LYPLA1: variants seen among roughly 807,000 people sequenced by gnomAD.
LYPLA1 encodes acyl-protein thioesterase 1.
A neutral mutation model predicts 34.0 loss-of-function variants in LYPLA1; 17 were observed. That is an observed-to-expected ratio of 0.50 (90% confidence interval 0.34 to 0.75). The LOEUF (loss-of-function observed/expected upper bound fraction) is 0.75, where lower values mean the gene tolerates loss of function less well. Ranked by LOEUF, LYPLA1 falls within the 30% of genes least tolerant of loss-of-function variation. The probability of loss-of-function intolerance (pLI) is 0.01; values close to 1 mark genes in which losing one functional copy is unlikely to be tolerated. For missense variants in LYPLA1, 203 were observed against 288.8 expected (o/e 0.70, Z 2.15); for synonymous variants, 98 against 100.8 (o/e 0.97, Z 0.17).
intron 5 of LYPLA1, among the ~76,000 whole-genome samples, chr8:54,059,370 T>A (rs1316673756): frequency 8.2e-6 from 1 of 121,564 alleles, no homozygotes; most frequent in Non-Finnish European, 1.5e-5. Context: ...AGTGGCGCAA[T>A]CTCGGCTCAC....
At chr8:54,052,939 C>T in intron 6 of LYPLA1, 183 bp from the exon 7 acceptor site, 1 of 527,090 alleles carries the variant, frequency 1.9e-6, no homozygotes, top group East Asian at 2.8e-5. Flanking sequence ...CGGTTCTCTA[C>T]ACCAGAGAAC....
At chr8:54,099,471 A>G (rs1351809205) in intron 2 of LYPLA1, among the ~76,000 whole-genome samples, 3 of 152,162 alleles carry the variant, frequency 2.0e-5, no homozygotes, top group Admixed American at 6.5e-5. Context: ...TGAGGTCAGG[A>G]GTTCGAGACC....
At chr8:54,056,849 G>A (rs1806240695) in intron 5 of LYPLA1, among the ~76,000 whole-genome samples, 1 of 152,056 alleles carries the variant, frequency 6.6e-6, no homozygotes, top group African/African-American at 2.4e-5. Context: ...GGAGACGGAG[G>A]TTGCAGTGAG....
intron 6 of LYPLA1, chr8:54,052,976 T>G (rs1046805598): frequency 2.1e-5 from 10 of 469,416 alleles, no homozygotes; most frequent in African/African-American, 1.9e-4. Flanking sequence ...CGACGAGACA[T>G]AGTTTGTACC....
intron 2 of LYPLA1, among the ~76,000 whole-genome samples, chr8:54,093,094 T>G (rs763761849): frequency 6.6e-6 from 1 of 151,982 alleles, no homozygotes; most frequent in Admixed American, 6.6e-5. Flanking sequence ...AGAAGTAGGG[T>G]TGATATAAGT....
chr8:54,064,981 TG>T (rs1806943820), intron 3 of LYPLA1, among the ~76,000 whole-genome samples: 1 of 152,216 alleles, frequency 6.6e-6, no homozygotes, highest in African/African-American at 2.4e-5. Context: ...CCAATCTTAT[TG>T]ATCTTCTAAG....
chr8:54,100,168 A>G (rs1810012276), intron 2 of LYPLA1: 1 of 152,196 alleles, frequency 6.6e-6, no homozygotes, highest in Non-Finnish European at 1.5e-5. Flanking sequence ...GCTTGAGTAA[A>G]AGATAAATCA....
At chr8:54,072,066 C>G (rs888684714) in intron 2 of LYPLA1, among the ~76,000 whole-genome samples, 2 of 152,032 alleles carry the variant, frequency 1.3e-5, no homozygotes, top group African/African-American at 4.8e-5. Context: ...GAATAGACAG[C>G]ACAGAAGTAA....
chr8:54,084,124 G>GGAAA (rs1554547911), intron 2 of LYPLA1, among the ~76,000 whole-genome samples: 20 of 56,366 alleles, frequency 3.5e-4, no homozygotes, highest in African/African-American at 9.8e-4. Flanking sequence ...GGAGACCAAA[G>GGAAA]AAAAAAAAAA....
chr8:54,077,775 T>C (rs1006519542), intron 2 of LYPLA1, among the ~76,000 whole-genome samples: 32 of 152,286 alleles, frequency 2.1e-4, no homozygotes, highest in Middle Eastern at 3.4e-3. Flanking sequence ...TATCTGACGG[T>C]CTAGAACGGG....
At chr8:54,064,173 GGGA>G (rs1372059842) in intron 3 of LYPLA1, among the ~76,000 whole-genome samples, 1 of 152,226 alleles carries the variant, frequency 6.6e-6, no homozygotes, top group Non-Finnish European at 1.5e-5. Flanking sequence ...CCAGCACTTT[GGGA>G]GGCCGAGGCG....
At chr8:54,093,507 G>C (rs958934638) in intron 2 of LYPLA1, among the ~76,000 whole-genome samples, 1 of 152,196 alleles carries the variant, frequency 6.6e-6, no homozygotes, top group African/African-American at 2.4e-5. Flanking sequence ...CGGATCTTCC[G>C]TTAAAGAGAA....
chr8:54,098,617 G>C (rs550900276), intron 2 of LYPLA1, among the ~76,000 whole-genome samples: 1 of 152,306 alleles, frequency 6.6e-6, no homozygotes, highest in Non-Finnish European at 1.5e-5. Context: ...AGTGGCAGAG[G>C]TTGAAGGGAG....
Position 54,053,095 on chromosome 8 carries a change from C to CTT in LYPLA1, c.361-341_361-340dup, listed in dbSNP as rs374207905. On this transcript the variant is annotated intron_variant, in intron 6 of 8. Transcript: ENST00000316963. The stretch of plus-strand genomic sequence containing the variant: ...CCAATCTGCTCTTAAATTGGTATTA[C>CTT]TTTTTTTTTTTTTTTTGAGATGGAG... 1.4e-3 allele frequency: 219 copies of CTT among 158,780 alleles called. 1 individual carries two copies. The highest frequency in any genetic ancestry group is 3.1e-3 in the African/African-American group (117 of 38,274). 9.8% of individuals were successfully genotyped at this position (158,780 alleles called of 1,614,324 possible). A position where few individuals can be genotyped will look rare whatever the true frequency, so the allele number is the denominator to read the frequency against.
intron 2 of LYPLA1, chr8:54,100,229 ATC>A (rs1327110987): frequency 6.6e-6 from 1 of 152,228 alleles, no homozygotes; most frequent in Non-Finnish European, 1.5e-5. Flanking sequence ...CCCACCTCTA[ATC>A]TCTGTGCTTT....
chr8:54,070,360 G>C (rs1807372127), intron 2 of LYPLA1, among the ~76,000 whole-genome samples: 2 of 152,066 alleles, frequency 1.3e-5, no homozygotes, highest in African/African-American at 4.8e-5. Flanking sequence ...GTACACAAAT[G>C]TTCTTTTTTA....
rs145272972 is a variant in LYPLA1, at chr8:54,080,302, C to T, written c.102-14489G>A. On this transcript the variant is annotated intron_variant, in intron 2 of 8. Coordinates refer to ENST00000316963, the MANE Select transcript of LYPLA1 (RefSeq NM_006330.4). ...CTGAGGTGGGAGTTGTACTGAGCCA[C>T]GAGCGTACTATGCCACTGCACTCCA... Among the ~76,000 whole-genome samples, 221 of 151,744 alleles carry T rather than the reference C, an allele frequency of 1.5e-3. 1 individual carries two copies. Among genetic ancestry groups the T allele is most frequent in the African/African-American group, 5.0e-3 (208 of 41,342 alleles).
At chr8:54,069,814 C>T (rs1807334373) in intron 2 of LYPLA1, among the ~76,000 whole-genome samples, 1 of 151,630 alleles carries the variant, frequency 6.6e-6, no homozygotes, top group Non-Finnish European at 1.5e-5. Context: ...ACAAAAAAGA[C>T]ATCTCAATAA....
At position 54,074,133 on chromosome 8, in the gene LYPLA1, G is replaced by A. The variant is rs146135323; in HGVS notation, c.102-8320C>T. ...TACTAAAAATACAAAAATTAGCTGGGTGTGGTGGCGGGAGCCTGTAGTCCC... is the reference window on the plus strand; with the variant it reads ...TACTAAAAATACAAAAATTAGCTGGATGTGGTGGCGGGAGCCTGTAGTCCC... On this transcript the variant is annotated intron_variant, in intron 2 of 8. Coordinates refer to ENST00000316963, the MANE Select transcript of LYPLA1 (RefSeq NM_006330.4). 4.9e-3 allele frequency among the ~76,000 whole-genome samples: 744 copies of A among 152,282 alleles called. 3 individuals carry two copies. The highest frequency in any genetic ancestry group is 0.016 in the African/African-American group (657 of 41,554).
Sources: allele counts gnomAD v4.1 joint callset (sites outside exome capture counted in the v4.1 genomes callset), GRCh38; gene constraint gnomAD v4.1.1; transcripts MANE v1.5; gene names NCBI Gene and HGNC (gene_info 2026-07-23, HGNC 2026-07-21).